The following SLC35D4 variants were observed in gnomAD, a reference collection of about 807,000 sequenced individuals.
SLC35D4 encodes UDP-N-acetylglucosamine transporter SLC35D4.
At chr18:23,365,274 T>C in the SLC35D4 span, among the ~76,000 whole-genome samples, 2 of 152,142 alleles carry the variant, frequency 1.3e-5, no homozygotes, top group Non-Finnish European at 2.9e-5. Flanking sequence ...TTTTTTGAAC[T>C]TTTGAACTTT....
At chr18:23,257,417 C>T in the SLC35D4 span, 1 of 1,530,570 alleles carries the variant, frequency 6.5e-7, no homozygotes, top group Non-Finnish European at 8.8e-7. Flanking sequence ...CTTGGTGGAG[C>T]AGCACTTACT....
At chr18:23,246,554 G>A in the SLC35D4 span, among the ~76,000 whole-genome samples, 1 of 151,906 alleles carries the variant, frequency 6.6e-6, no homozygotes, top group African/African-American at 2.4e-5. Flanking sequence ...ACCACACCCG[G>A]CTAATTTTTT....
the SLC35D4 span, chr18:23,310,193 C>G: frequency 1.0e-6 from 1 of 984,972 alleles, no homozygotes; most frequent in Non-Finnish European, 1.2e-6. Context: ...CAGCCTTTGT[C>G]CAATGCACCA....
chr18:23,248,050 AAGAC>A, the SLC35D4 span, among the ~76,000 whole-genome samples: 1 of 152,344 alleles, frequency 6.6e-6, no homozygotes, highest in East Asian at 1.9e-4. Context: ...GCTTGTAAAA[AAGAC>A]AGAGCCTCTC....
the SLC35D4 span, among the ~76,000 whole-genome samples, chr18:23,275,185 G>A: frequency 2.0e-5 from 3 of 151,900 alleles, no homozygotes; most frequent in Admixed American, 6.6e-5. Flanking sequence ...GCAGCAGAGG[G>A]TGGGAACTTC....
At chr18:23,265,256 T>G in the SLC35D4 span, among the ~76,000 whole-genome samples, 1 of 152,074 alleles carries the variant, frequency 6.6e-6, no homozygotes, top group East Asian at 1.9e-4. Context: ...CTGGGGTGTG[T>G]GTTCCACGGC....
the SLC35D4 span, among the ~76,000 whole-genome samples, chr18:23,278,955 G>A: frequency 6.0e-5 from 9 of 151,260 alleles, no homozygotes; most frequent in East Asian, 7.8e-4. Context: ...TGAGGCTGCC[G>A]TGAGCTGTGA....
chr18:23,376,349 C>T, the SLC35D4 span, among the ~76,000 whole-genome samples: 4 of 152,194 alleles, frequency 2.6e-5, no homozygotes, highest in African/African-American at 4.8e-5. Context: ...CAGCACTGAC[C>T]GGCTGGGCCA....
the SLC35D4 span, among the ~76,000 whole-genome samples, chr18:23,266,438 T>C: frequency 2.0e-5 from 3 of 150,742 alleles, no homozygotes; most frequent in Admixed American, 6.6e-5. Context: ...TCCTGCTTTA[T>C]AGAGAAAGAG....
the SLC35D4 span, among the ~76,000 whole-genome samples, chr18:23,263,592 C>T: frequency 3.9e-5 from 6 of 152,262 alleles, no homozygotes; most frequent in African/African-American, 1.2e-4. Context: ...GCTAGTGTCT[C>T]GTGGTGCATG....
the SLC35D4 span, among the ~76,000 whole-genome samples, chr18:23,326,999 A>G: frequency 1.4e-4 from 21 of 152,364 alleles, no homozygotes; most frequent in Non-Finnish European, 2.9e-4. Flanking sequence ...TTTGAAACCA[A>G]TAAGAACAAA....
At chr18:23,309,575 C>A in the SLC35D4 span, 69 of 947,862 alleles carry the variant, frequency 7.3e-5, 1 homozygote, top group South Asian at 9.0e-4. Flanking sequence ...TGGAGATACA[C>A]AGCCAACGCA....
chr18:23,302,254 C>A, the SLC35D4 span, among the ~76,000 whole-genome samples: 2 of 152,184 alleles, frequency 1.3e-5, no homozygotes, highest in Non-Finnish European at 2.9e-5. Context: ...TTGAGCTGAT[C>A]CAAAGCTCTC....
At chr18:23,376,569 T>C in the SLC35D4 span, among the ~76,000 whole-genome samples, 1 of 152,228 alleles carries the variant, frequency 6.6e-6, no homozygotes, top group Non-Finnish European at 1.5e-5. Flanking sequence ...GAGAAGAGAC[T>C]GTCAGGGGAG....
the SLC35D4 span, among the ~76,000 whole-genome samples, chr18:23,419,691 A>G: frequency 6.6e-6 from 1 of 152,194 alleles, no homozygotes; most frequent in Admixed American, 6.5e-5. Flanking sequence ...ATTTTGGAGT[A>G]GAGGGCTACA....
the SLC35D4 span, among the ~76,000 whole-genome samples, chr18:23,428,058 C>A: frequency 6.6e-6 from 1 of 151,986 alleles, no homozygotes; most frequent in Non-Finnish European, 1.5e-5. Flanking sequence ...TTAGGAGATA[C>A]ACCTAATGTA....
chr18:23,292,128 T>C, the SLC35D4 span, among the ~76,000 whole-genome samples: 21 of 152,248 alleles, frequency 1.4e-4, no homozygotes, highest in Non-Finnish European at 2.5e-4. Flanking sequence ...TGGTATTACC[T>C]GCTTGTGCTT....
At chr18:23,309,537 C>T in the SLC35D4 span, 2 of 655,052 alleles carry the variant, frequency 3.1e-6, no homozygotes, top group South Asian at 2.1e-5. Context: ...TTAAAGAAAG[C>T]TTCGCTAATA....
the SLC35D4 span, among the ~76,000 whole-genome samples, chr18:23,243,708 T>TA: frequency 6.6e-6 from 1 of 151,748 alleles, no homozygotes. Flanking sequence ...CCGTCTCTAC[T>TA]AAAAAATACA....
Sources: gnomAD v4.1 joint callset for allele counts (sites outside exome capture counted in the v4.1 genomes callset) on GRCh38, gnomAD v4.1.1 for gene constraint, MANE v1.5 for transcripts, NCBI Gene and HGNC (gene_info 2026-07-23, HGNC 2026-07-21) for gene names.